CEP85L: variants seen among roughly 807,000 people sequenced by gnomAD.
CEP85L encodes the protein centrosomal protein of 85 kDa-like.
A neutral mutation model predicts 100.3 loss-of-function variants in CEP85L; 60 were observed. The observed-to-expected ratio is 0.60, with a 90% CI of 0.49 to 0.74. The LOEUF is 0.74. CEP85L is among the 30% of genes least tolerant of loss of function. The pLI, the probability that CEP85L is intolerant of heterozygous loss-of-function variation, is 0.00. For synonymous variants in CEP85L, 319 were observed against 322.7 expected, an observed-to-expected ratio of 0.99 and a Z score of 0.12; for missense variants, 973 against 936.2, an observed-to-expected ratio of 1.04 and a Z score of -0.51.
At chr6:118,661,702 G>T (rs1052447304) in intron 1 of CEP85L, among the ~76,000 whole-genome samples, 4 of 151,990 alleles carry the variant, frequency 2.6e-5, no homozygotes, top group South Asian at 2.1e-4. Flanking sequence ...TAGTGGTAAT[G>T]TTATTTGTTG....
intron 3 of CEP85L, among the ~76,000 whole-genome samples, chr6:118,529,163 A>G (rs1020422912): frequency 2.6e-5 from 4 of 152,216 alleles, no homozygotes; most frequent in African/African-American, 7.2e-5. Context: ...CCACATTACA[A>G]TCTTACAGAG....
At chr6:118,643,427 C>G (rs946534394) in intron 1 of CEP85L, among the ~76,000 whole-genome samples, 1 of 152,074 alleles carries the variant, frequency 6.6e-6, no homozygotes, top group African/African-American at 2.4e-5. Flanking sequence ...ATCTTTCATC[C>G]CAAAATCTTT....
chr6:118,467,921 T>C (rs904123111), intron 12 of CEP85L, among the ~76,000 whole-genome samples: 14 of 152,210 alleles, frequency 9.2e-5, no homozygotes, highest in Admixed American at 2.0e-4. Context: ...CTGTCCTTTG[T>C]CCACATCTCA....
At chr6:118,488,368 A>G (rs1428008134) in intron 6 of CEP85L, among the ~76,000 whole-genome samples, 1 of 151,986 alleles carries the variant, frequency 6.6e-6, no homozygotes, top group Non-Finnish European at 1.5e-5. Flanking sequence ...CAAATCTTGG[A>G]ACTAAAAAAT....
At chr6:118,673,779 A>G (rs1458127521) in intron 1 of CEP85L, among the ~76,000 whole-genome samples, 2 of 152,232 alleles carry the variant, frequency 1.3e-5, no homozygotes, top group Non-Finnish European at 2.9e-5. Flanking sequence ...AAACAAACCA[A>G]TGAACCATCT....
At chr6:118,674,536 AAGAG>A (rs905521391) in intron 1 of CEP85L, among the ~76,000 whole-genome samples, 4 of 151,946 alleles carry the variant, frequency 2.6e-5, no homozygotes, top group Admixed American at 6.6e-5. Flanking sequence ...AAAAAAAAAA[AAGAG>A]AGAAAACCAA....
At chr6:118,479,425 C>T (rs1429740740) in intron 10 of CEP85L, among the ~76,000 whole-genome samples, 1 of 152,108 alleles carries the variant, frequency 6.6e-6, no homozygotes, top group Admixed American at 6.6e-5. Flanking sequence ...GCACTTGTTG[C>T]TCCCTTTGCT....
At chr6:118,528,373 T>C (rs1286992890) in intron 3 of CEP85L, among the ~76,000 whole-genome samples, 1 of 152,154 alleles carries the variant, frequency 6.6e-6, no homozygotes, top group Non-Finnish European at 1.5e-5. Flanking sequence ...AATACTTCCA[T>C]AAATATACAC....
At chr6:118,537,800 G>A (rs1027561335) in intron 3 of CEP85L, 3 of 985,158 alleles carry the variant, frequency 3.0e-6, no homozygotes, top group Middle Eastern at 5.2e-4. Flanking sequence ...CTTCAAGTTT[G>A]TTATCTCTCC....
chr6:118,614,637 A>G (rs573193956), intron 2 of CEP85L, among the ~76,000 whole-genome samples: 1 of 152,332 alleles, frequency 6.6e-6, no homozygotes, highest in East Asian at 1.9e-4. Context: ...TGAGGTCAGG[A>G]GTTCAAGGAC....
chr6:118,707,382 T>G (rs1777626595), intron 1 of CEP85L, among the ~76,000 whole-genome samples: 1 of 151,576 alleles, frequency 6.6e-6, no homozygotes, highest in Admixed American at 6.6e-5. Flanking sequence ...TTTGTAGAGA[T>G]AAAATTTTGC....
chr6:118,596,564 G>A (rs1412456012), intron 2 of CEP85L, among the ~76,000 whole-genome samples: 4 of 152,000 alleles, frequency 2.6e-5, no homozygotes, highest in East Asian at 1.9e-4. Flanking sequence ...GGAACCAAGC[G>A]TTACATCAAC....
At chr6:118,504,491 G>T (rs1160993041) in intron 5 of CEP85L, among the ~76,000 whole-genome samples, 1 of 152,126 alleles carries the variant, frequency 6.6e-6, no homozygotes, top group Non-Finnish European at 1.5e-5. Context: ...CCCTCCTGAA[G>T]GGTGGCACCC....
chr6:118,525,723 A>G (rs1257571393), intron 3 of CEP85L, among the ~76,000 whole-genome samples: 1 of 152,218 alleles, frequency 6.6e-6, no homozygotes, highest in Non-Finnish European at 1.5e-5. Flanking sequence ...GAACTGTGAG[A>G]CAATTTCTGG....
chr6:118,612,570 G>A (rs1411348819), intron 2 of CEP85L, among the ~76,000 whole-genome samples: 1 of 150,000 alleles, frequency 6.7e-6, no homozygotes, highest in Non-Finnish European at 1.5e-5. Flanking sequence ...GCTGAGGCAG[G>A]AGAATGGTGT....
rs536805051 is a variant in CEP85L at position 118,622,950 on chromosome 6, C to T, written c.232+9503G>A. Among the ~76,000 whole-genome samples the T allele has an allele frequency of 6.6e-5, 10 of 152,318 alleles. No homozygotes were observed. The South Asian group carries it at 1.0e-3, about 16-fold the overall frequency. ...GCAACCCCCTCCAGGAGGTTAAGCC[C>T]CAGTATTCCCCAAGCGAAACAGAAT... On this transcript the variant is annotated intron_variant, in intron 2 of 12. Coordinates refer to ENST00000368491, the MANE Select transcript of CEP85L (RefSeq NM_001042475.3).
chr6:118,537,805 C>A (rs1425184777), intron 3 of CEP85L: 1 of 985,178 alleles, frequency 1.0e-6, no homozygotes, highest in Non-Finnish European at 1.2e-6. Flanking sequence ...AGTTTGTTAT[C>A]TCTCCTTCAC....
chr6:118,504,869 C>T lies in CEP85L; in HGVS notation c.1257+6429G>A, dbSNP rs76627594. ...CTGAAGAATATGCAGAACTGACTGC[C>T]TGGTGTGTAGGGAAACAAATACCAT... On this transcript the variant is annotated intron_variant, in intron 5 of 12. Coordinates refer to ENST00000368491, the MANE Select transcript of CEP85L (RefSeq NM_001042475.3). Among the ~76,000 whole-genome samples, 583 of 152,252 alleles carry T rather than the reference C, an allele frequency of 3.8e-3. 3 individuals are homozygous for T. The highest frequency in any genetic ancestry group is 0.013 in the African/African-American group (557 of 41,532).
At chr6:118,702,953 T>C (rs950308065) in intron 1 of CEP85L, among the ~76,000 whole-genome samples, 4 of 136,858 alleles carry the variant, frequency 2.9e-5, no homozygotes, top group Non-Finnish European at 3.0e-5. Context: ...CCGAGATGGC[T>C]CCATTGCACT....
Sources: allele counts gnomAD v4.1 joint callset (sites outside exome capture counted in the v4.1 genomes callset), GRCh38; gene constraint gnomAD v4.1.1; transcripts MANE v1.5; gene names NCBI Gene and HGNC (gene_info 2026-07-23, HGNC 2026-07-21).